EPHA3: variants seen among roughly 807,000 people sequenced by gnomAD.
EPHA3 encodes EPH receptor A3.
EPHA3 carries 42 observed loss-of-function variants against 107.1 expected under a neutral mutation model. The ratio of observed to expected loss-of-function variants is 0.39; its 90% CI spans 0.31 to 0.51. The LOEUF (loss-of-function observed/expected upper bound fraction) is 0.51. Ranked by LOEUF, EPHA3 falls within the 20% of genes least tolerant of loss-of-function variation. EPHA3 has a pLI of 0.78. For missense variants in EPHA3, 1,183 were observed against 1,211.2 expected, an observed-to-expected ratio of 0.98 and a Z score of 0.35; for synonymous variants, 461 against 424.8, an observed-to-expected ratio of 1.09 and a Z score of -1.05.
chr3:89,125,591 C>T (rs1035582816), intron 1 of EPHA3, among the ~76,000 whole-genome samples: 7 of 151,380 alleles, frequency 4.6e-5, no homozygotes, highest in Non-Finnish European at 7.4e-5. Flanking sequence ...ATCCATGCAG[C>T]GGCTATCTAT....
In EPHA3 at chr3:89,128,017, G is replaced by A. The variant is rs373912292; in HGVS notation, c.153+744G>A. On this transcript the variant is annotated intron_variant, in intron 2 of 16. Transcript: ENST00000336596. The stretch of plus-strand genomic sequence containing the variant: ...CTACACAATTGTGTAATAAATTCCT[G>A]AGCATACCTTTTTGTTTCTAAGTAT... Among the ~76,000 whole-genome samples, 142 of 152,132 alleles carry A rather than the reference G, an allele frequency of 9.3e-4. 3 individuals are homozygous for A. The highest frequency in any genetic ancestry group is 3.2e-3 in the African/African-American group (132 of 41,546).
At chr3:89,150,478 T>C (rs1704668402) in intron 2 of EPHA3, among the ~76,000 whole-genome samples, 1 of 152,180 alleles carries the variant, frequency 6.6e-6, no homozygotes, top group East Asian at 1.9e-4. Flanking sequence ...AGGGTACCCA[T>C]GCACCTCATT....
At chr3:89,169,893 C>G (rs755033435) in intron 2 of EPHA3, among the ~76,000 whole-genome samples, 2 of 152,068 alleles carry the variant, frequency 1.3e-5, no homozygotes, top group African/African-American at 4.8e-5. Flanking sequence ...TAATTAGATA[C>G]AGTTACTGGT....
chr3:89,277,971 G>C (rs1426406203), intron 3 of EPHA3, among the ~76,000 whole-genome samples: 1 of 152,098 alleles, frequency 6.6e-6, no homozygotes, highest in African/African-American at 2.4e-5. Flanking sequence ...GCCTTTTCAA[G>C]GAAAGTTCCT....
At chr3:89,337,171 G>A (rs1707412723) in intron 3 of EPHA3, among the ~76,000 whole-genome samples, 1 of 152,032 alleles carries the variant, frequency 6.6e-6, no homozygotes, top group Non-Finnish European at 1.5e-5. Flanking sequence ...AGATGACAAA[G>A]TCTTGCAATT....
intron 5 of EPHA3, among the ~76,000 whole-genome samples, chr3:89,377,311 C>A (rs1708420998): frequency 6.6e-6 from 1 of 152,050 alleles, no homozygotes; most frequent in African/African-American, 2.4e-5. Flanking sequence ...ATGGAAGATT[C>A]ATTTCATATG....
chr3:89,457,494 A>C (rs991796314), intron 15 of EPHA3, among the ~76,000 whole-genome samples: 1 of 152,172 alleles, frequency 6.6e-6, no homozygotes, highest in Non-Finnish European at 1.5e-5. Flanking sequence ...CCTCATGATA[A>C]TCTAATGCCT....
intron 3 of EPHA3, among the ~76,000 whole-genome samples, chr3:89,331,263 T>C (rs1707281462): frequency 6.6e-6 from 1 of 152,186 alleles, no homozygotes; most frequent in Admixed American, 6.6e-5. Flanking sequence ...AACCTTTTCG[T>C]TTTTAAGTTT....
chr3:89,299,716 T>C (rs2107343686), intron 3 of EPHA3, among the ~76,000 whole-genome samples: 2 of 152,138 alleles, frequency 1.3e-5, no homozygotes, highest in Admixed American at 1.3e-4. Flanking sequence ...AACTTCAGAA[T>C]CCAGTCTCTT....
intron 3 of EPHA3, among the ~76,000 whole-genome samples, chr3:89,245,005 A>G (rs75273320): frequency 0.016 from 2,478 of 152,346 alleles, 28 homozygotes; most frequent in Non-Finnish European, 0.028. Flanking sequence ...AGTGTATTGC[A>G]GAAAGGGTAA....
At chr3:89,357,040 G>A (rs1373265893) in intron 5 of EPHA3, among the ~76,000 whole-genome samples, 1 of 132,400 alleles carries the variant, frequency 7.6e-6, no homozygotes, top group Admixed American at 8.3e-5. Context: ...CCTGGGAGGT[G>A]TAGGTTGCAG....
At chr3:89,400,038 C>T (rs1708926759) in intron 7 of EPHA3, 2 of 1,034,468 alleles carry the variant, frequency 1.9e-6, no homozygotes, top group African/African-American at 1.7e-5. Flanking sequence ...AACATTTTTC[C>T]AGTAACTTTT....
At chr3:89,299,656 T>C (rs1356213710) in intron 3 of EPHA3, among the ~76,000 whole-genome samples, 1 of 151,984 alleles carries the variant, frequency 6.6e-6, no homozygotes, top group Non-Finnish European at 1.5e-5. Flanking sequence ...AAGTATTCTA[T>C]CCAAGATGAT....
intron 2 of EPHA3, among the ~76,000 whole-genome samples, chr3:89,205,394 T>C (rs1162316732): frequency 6.6e-6 from 1 of 152,188 alleles, no homozygotes; most frequent in Non-Finnish European, 1.5e-5. Context: ...AACTGTGCTA[T>C]CTAGAAAATA....
chr3:89,156,950 C>A (rs1704820716), intron 2 of EPHA3, among the ~76,000 whole-genome samples: 1 of 151,904 alleles, frequency 6.6e-6, no homozygotes, highest in Admixed American at 6.6e-5. Context: ...GGACACCTCT[C>A]CTTGCCTGGA....
At chr3:89,150,601 T>A (rs1354413941) in intron 2 of EPHA3, among the ~76,000 whole-genome samples, 1 of 152,044 alleles carries the variant, frequency 6.6e-6, no homozygotes, top group Non-Finnish European at 1.5e-5. Flanking sequence ...TACATATTAT[T>A]GAGAAAACTC....
At chr3:89,273,960 T>C (rs998295473) in intron 3 of EPHA3, among the ~76,000 whole-genome samples, 2 of 151,818 alleles carry the variant, frequency 1.3e-5, no homozygotes, top group African/African-American at 4.8e-5. Context: ...ATGTGAAAAA[T>C]GAGGCACTAA....
intron 5 of EPHA3, among the ~76,000 whole-genome samples, chr3:89,367,731 T>G (rs943140271): frequency 6.6e-6 from 1 of 150,672 alleles, no homozygotes; most frequent in Non-Finnish European, 1.5e-5. Context: ...TTTGGTAACC[T>G]TCACCTAAAA....
At chr3:89,399,751 C>T (rs1553690286) in intron 7 of EPHA3, 2 of 1,179,008 alleles carry the variant, frequency 1.7e-6, no homozygotes, top group African/African-American at 1.6e-5. Flanking sequence ...CCATAAATTG[C>T]TTTTGAGGAA....
Sources: gnomAD v4.1 joint callset for allele counts (sites outside exome capture counted in the v4.1 genomes callset) on GRCh38, gnomAD v4.1.1 for gene constraint, MANE v1.5 for transcripts, NCBI Gene and HGNC (gene_info 2026-07-23, HGNC 2026-07-21) for gene names.